Variants in MECOM observed in about 807,000 individuals in gnomAD.
The protein encoded by MECOM is histone-lysine N-methyltransferase MECOM.
In MECOM, 13 loss-of-function variants were observed where a neutral mutation model predicts 116.3. That is an observed-to-expected ratio of 0.11 (90% confidence interval 0.07 to 0.18). The LOEUF (loss-of-function observed/expected upper bound fraction) is 0.18, where lower values mean the gene tolerates loss of function less well. Ranked by LOEUF, MECOM falls within the 10% of genes least tolerant of loss-of-function variation. The pLI, the probability that MECOM is intolerant of heterozygous loss-of-function variation, is 1.00. For missense variants in MECOM, 1,299 were observed against 1,509.0 expected (o/e 0.86, Z 2.31); for synonymous variants, 528 against 535.2 (o/e 0.99, Z 0.19).
At chr3:169,355,551 A>C (rs1242122870) in intron 2 of MECOM, among the ~76,000 whole-genome samples, 1 of 152,000 alleles carries the variant, frequency 6.6e-6, no homozygotes, top group Non-Finnish European at 1.5e-5. Context: ...CAGAGGCTAA[A>C]AATAAACTGC....
rs1330317654 is a variant in MECOM, at chr3:169,649,877, C to T, written c.37+13459G>A. Among the ~76,000 whole-genome samples the T allele has an allele frequency of 2.0e-5, 3 of 152,148 alleles. No homozygotes were observed. The East Asian group carries it at 5.8e-4, about 29-fold the overall frequency. ...CCTTTTCAAATCCAATCTAAAATGT[C>T]CAATATGTTTGCAATCTGATATAAT... On this transcript the variant is annotated intron_variant, in intron 1 of 16. Transcript: ENST00000651503.
intron 2 of MECOM, among the ~76,000 whole-genome samples, chr3:169,188,435 G>A (rs896169833): frequency 6.6e-6 from 1 of 152,032 alleles, no homozygotes; most frequent in Non-Finnish European, 1.5e-5. Context: ...GAGAATTAAG[G>A]AAGAAAACAA....
chr3:169,430,959 C>A (rs566819292), intron 1 of MECOM, among the ~76,000 whole-genome samples: 1 of 152,272 alleles, frequency 6.6e-6, no homozygotes, highest in South Asian at 2.1e-4. Flanking sequence ...CCCCCAGCTG[C>A]AGTAGAATTT....
chr3:169,383,797 T>G (rs1232300760), intron 1 of MECOM, among the ~76,000 whole-genome samples: 1 of 152,200 alleles, frequency 6.6e-6, no homozygotes, highest in Non-Finnish European at 1.5e-5. Flanking sequence ...CCTTTCCATC[T>G]GATTCTCAAT....
At chr3:169,216,621 A>G (rs1204168995) in intron 2 of MECOM, among the ~76,000 whole-genome samples, 2 of 152,042 alleles carry the variant, frequency 1.3e-5, no homozygotes, top group Non-Finnish European at 2.9e-5. Context: ...AACATTAAAT[A>G]TTACTAATTC....
At chr3:169,097,272 C>T (rs984650690) in intron 12 of MECOM, among the ~76,000 whole-genome samples, 1 of 152,054 alleles carries the variant, frequency 6.6e-6, no homozygotes, top group Non-Finnish European at 1.5e-5. Context: ...CTTCTCAAAT[C>T]TAAATAAGCA....
At chr3:169,216,675 A>T (rs1242748169) in intron 2 of MECOM, among the ~76,000 whole-genome samples, 1 of 152,190 alleles carries the variant, frequency 6.6e-6, no homozygotes, top group East Asian at 1.9e-4. Flanking sequence ...TCATGAAAAC[A>T]CTTTACAATA....
rs188677568 is a variant in MECOM at position 169,105,063 on chromosome 3, C to T, written c.2605-2837G>A. Among the ~76,000 whole-genome samples the T allele has an allele frequency of 2.9e-3, 443 of 152,132 alleles. 9 individuals are homozygous for T. The highest frequency in any genetic ancestry group is 0.022 in the Admixed American group (332 of 15,264). On this transcript the variant is annotated intron_variant, in intron 10 of 16. Coordinates refer to ENST00000651503, the MANE Select transcript of MECOM (RefSeq NM_004991.4). ...AAAGGGAGGGAAAGACGATGGGAAG[C>T]GAGCTGAGGGTAACTATTAACACAC...
intron 2 of MECOM, among the ~76,000 whole-genome samples, chr3:169,281,466 T>C (rs1001698972): frequency 4.6e-5 from 7 of 152,210 alleles, no homozygotes; most frequent in Admixed American, 1.3e-4. Flanking sequence ...TTTTTATCAT[T>C]GTGCTTGTCT....
intron 2 of MECOM, among the ~76,000 whole-genome samples, chr3:169,206,467 T>A (rs563129711): frequency 6.6e-6 from 1 of 152,120 alleles, no homozygotes; most frequent in East Asian, 1.9e-4. Flanking sequence ...GTTTAAAAAT[T>A]ATGGCCAGGC....
At chr3:169,619,861 G>A (rs1770488450) in intron 1 of MECOM, among the ~76,000 whole-genome samples, 1 of 152,200 alleles carries the variant, frequency 6.6e-6, no homozygotes, top group Admixed American at 6.5e-5. Flanking sequence ...TCATAAACGT[G>A]CAGAGGCTGA....
In MECOM at chr3:169,146,587, A is replaced by T. The variant is rs1560276382; in HGVS notation, c.376-2755T>A. 4 of 1,373,124 alleles carry T rather than the reference A, an allele frequency of 2.9e-6. No individual in the cohort carries two copies. The African/African-American group carries it at 5.8e-5, about 20-fold the overall frequency. The allele number at this position is 1,373,124 out of a possible 1,614,324, so 85.1% of individuals were successfully genotyped here. ...TAGATAAGCAGCAGGGCTCCGCGAG[A>T]CTGCGGGCGAGGAGGAAAGAAGGCT... On this transcript the variant is annotated intron_variant, in intron 2 of 16. Transcript: ENST00000651503.
chr3:169,198,924 A>G (rs1748795301), intron 2 of MECOM, among the ~76,000 whole-genome samples: 1 of 152,056 alleles, frequency 6.6e-6, no homozygotes, highest in African/African-American at 2.4e-5. Context: ...AAAAAATTAA[A>G]TAGGGACCCA....
At chr3:169,477,148 T>TACACAC (rs1187178988) in intron 1 of MECOM, 11 of 42,500 alleles carry the variant, frequency 2.6e-4, no homozygotes, top group African/African-American at 1.2e-3. Flanking sequence ...TATATATATA[T>TACACAC]ACACACACAC....
intron 1 of MECOM, among the ~76,000 whole-genome samples, chr3:169,661,520 A>C (rs1359092625): frequency 6.6e-6 from 1 of 152,220 alleles, no homozygotes; most frequent in Non-Finnish European, 1.5e-5. Flanking sequence ...AGATGGACTG[A>C]TGACCCAAAG....
In MECOM at chr3:169,394,987, A is replaced by C. The variant is rs149912716; in HGVS notation, c.38-13463T>G. ...AGCCAATTTGCTTTTTTCTAGATGG[A>C]AAAGAAGTGTATTATAAATTCTTCC... On this transcript the variant is annotated intron_variant, in intron 1 of 16. Coordinates refer to ENST00000651503, the MANE Select transcript of MECOM (RefSeq NM_004991.4). Among the ~76,000 whole-genome samples, 754 of 152,352 alleles carry C rather than the reference A, an allele frequency of 4.9e-3. 6 individuals are homozygous for C. Among genetic ancestry groups the C allele is most frequent in the African/African-American group, 0.017 (722 of 41,592 alleles).
chr3:169,254,831 T>C (rs1219041295), intron 2 of MECOM, among the ~76,000 whole-genome samples: 10 of 152,146 alleles, frequency 6.6e-5, no homozygotes, highest in Admixed American at 6.6e-4. Context: ...AGAGAACTAA[T>C]CAATGGTACA....
intron 1 of MECOM, among the ~76,000 whole-genome samples, chr3:169,615,376 T>A (rs1456574976): frequency 1.3e-5 from 2 of 152,246 alleles, no homozygotes; most frequent in African/African-American, 4.8e-5. Flanking sequence ...AATTTGATAC[T>A]TTGAGAACTA....
intron 2 of MECOM, among the ~76,000 whole-genome samples, chr3:169,255,371 AT>A (rs1168211614): frequency 1.3e-5 from 2 of 151,978 alleles, no homozygotes; most frequent in African/African-American, 2.4e-5. Context: ...TGGAGACTTC[AT>A]TTTTTTCTCT....
Sources: allele counts gnomAD v4.1 joint callset (sites outside exome capture counted in the v4.1 genomes callset), GRCh38; gene constraint gnomAD v4.1.1; transcripts MANE v1.5; gene names NCBI Gene and HGNC (gene_info 2026-07-23, HGNC 2026-07-21).